AGBL3: variants seen among roughly 807,000 people sequenced by gnomAD.
AGBL3 encodes the protein cytosolic carboxypeptidase 3.
A neutral mutation model predicts 94.5 loss-of-function variants in AGBL3; 68 were observed. The observed-to-expected ratio is 0.72, with a 90% CI of 0.59 to 0.88. AGBL3 has a LOEUF of 0.88. Among genes scored for constraint, AGBL3 ranks in the 40% least tolerant of loss-of-function variants. The pLI is 0.00. For synonymous variants in AGBL3, 354 were observed against 370.7 expected (o/e 0.95, Z 0.52); for missense variants, 934 against 1,103.8 (o/e 0.85, Z 2.18).
intron 15 of AGBL3, among the ~76,000 whole-genome samples, chr7:135,091,950 A>T (rs1232595548): frequency 6.6e-6 from 1 of 152,238 alleles, no homozygotes; most frequent in Non-Finnish European, 1.5e-5. Context: ...ATCCACCTGG[A>T]AATCTGCAAG....
chr7:134,992,820 A>G (rs1453443126), intron 3 of AGBL3, among the ~76,000 whole-genome samples: 1 of 152,226 alleles, frequency 6.6e-6, no homozygotes, highest in East Asian at 1.9e-4. Flanking sequence ...AAAAAGCCAC[A>G]TTTCAGAGGT....
chr7:135,006,394 C>T (rs776615209), intron 4 of AGBL3, among the ~76,000 whole-genome samples: 3 of 151,674 alleles, frequency 2.0e-5, no homozygotes, highest in African/African-American at 7.3e-5. Context: ...AAGGAAGGAA[C>T]AAAGTTAGAA....
At chr7:135,127,591 C>G (rs140223595) in intron 16 of AGBL3, among the ~76,000 whole-genome samples, 11 of 151,040 alleles carry the variant, frequency 7.3e-5, no homozygotes, top group Admixed American at 6.6e-5. Flanking sequence ...TCACACTGAT[C>G]ATCAGAGAAA....
chr7:134,993,651 G>A lies in AGBL3; in HGVS notation c.283G>A (p.Val95Ile), dbSNP rs759137090. 1.9e-5 allele frequency: 30 copies of A among 1,551,076 alleles called. No individual in the cohort carries two copies. The highest frequency in any genetic ancestry group is 2.6e-5 in the Non-Finnish European group (30 of 1,146,614). The change falls in exon 4 of 17, where the codon GTC (valine) becomes ATC (isoleucine). Residue 95 changes from valine (V) to isoleucine (I), a missense_variant. Around this residue, in one of 3 missense-constraint regions of AGBL3, gnomAD observed 488 missense variants for 563.6 expected, o/e 0.87. Transcript: ENST00000436302. ...SPTRWPYHCEVIDEKVQHIDW... is the reference protein window; with the variant it reads ...SPTRWPYHCEIIDEKVQHIDW... ...AACACGGTGGCCATACCATTGTGAA[G>A]TCATCGATGAAAAAGTCCAGCATAT...
chr7:135,013,788 T>A (rs1813438045), intron 4 of AGBL3, among the ~76,000 whole-genome samples: 1 of 152,134 alleles, frequency 6.6e-6, no homozygotes. Context: ...ATACCATCCC[T>A]CGAATCCACT....
At chr7:134,991,426 A>ATT (rs529173843) in intron 3 of AGBL3, among the ~76,000 whole-genome samples, 10,288 of 151,826 alleles carry the variant, frequency 0.068, 1,114 homozygotes, top group African/African-American at 0.23. Context: ...TGGAGAAGGA[A>ATT]TTTTTTTTGT....
At chr7:134,993,351 AC>A (rs1202944082) in intron 3 of AGBL3, 141 bp from the exon 4 acceptor site, 1 of 653,928 alleles carries the variant, frequency 1.5e-6, no homozygotes, top group African/African-American at 1.9e-5. Flanking sequence ...ACTTTTATAA[AC>A]AGTGCCATGA....
intron 16 of AGBL3, chr7:135,129,436 A>T: frequency 1.3e-6 from 1 of 785,030 alleles, no homozygotes. Context: ...GCACTGGAAG[A>T]GATGGAAAGT....
chr7:135,052,185 G>C (rs1041445464), intron 11 of AGBL3, among the ~76,000 whole-genome samples: 1 of 151,940 alleles, frequency 6.6e-6, no homozygotes, highest in African/African-American at 2.4e-5. Context: ...TCAAAAATAT[G>C]AGTGAATAAC....
chr7:135,099,882 C>CTTTTTTTTTTTTTTTTTTTTT (rs34324217), intron 15 of AGBL3: 1 of 62,700 alleles, frequency 1.6e-5, no homozygotes, highest in Non-Finnish European at 2.8e-5. Context: ...CTGAGTTTCT[C>CTTTTTTTTTTTTTTTTTTTTT]TTTTTTTTTT....
At chr7:135,002,902 A>G (rs1481956322) in intron 4 of AGBL3, among the ~76,000 whole-genome samples, 1 of 152,132 alleles carries the variant, frequency 6.6e-6, no homozygotes, top group Non-Finnish European at 1.5e-5. Flanking sequence ...CCATTTTGCT[A>G]TTGATTAGAC....
At chr7:135,039,550 C>T (rs1816640832) in intron 8 of AGBL3, among the ~76,000 whole-genome samples, 1 of 152,104 alleles carries the variant, frequency 6.6e-6, no homozygotes, top group Admixed American at 6.6e-5. Flanking sequence ...ACTTGGCCAA[C>T]ATGGTGAAAC....
At chr7:135,074,729 A>G (rs911635262) in intron 12 of AGBL3, among the ~76,000 whole-genome samples, 3 of 152,172 alleles carry the variant, frequency 2.0e-5, no homozygotes, top group African/African-American at 4.8e-5. Flanking sequence ...CAGGACACTC[A>G]TGGATAAATA....
intron 15 of AGBL3, among the ~76,000 whole-genome samples, chr7:135,088,383 TTC>T (rs1821501747): frequency 6.6e-6 from 1 of 152,136 alleles, no homozygotes; most frequent in Admixed American, 6.5e-5. Flanking sequence ...GATCCTTTCC[TTC>T]TCTCTTATTG....
At chr7:135,114,212 C>A (rs1453499588) in intron 15 of AGBL3, among the ~76,000 whole-genome samples, 1 of 152,082 alleles carries the variant, frequency 6.6e-6, no homozygotes, top group African/African-American at 2.4e-5. Context: ...GGGCATATAA[C>A]CAGAAGTGGA....
At chr7:135,040,792 A>G (rs1235391027) in intron 8 of AGBL3, among the ~76,000 whole-genome samples, 1 of 149,330 alleles carries the variant, frequency 6.7e-6, no homozygotes, top group Admixed American at 6.7e-5. Context: ...GGCAAAAGAA[A>G]GGTGAAGGCA....
rs1271213244 is a variant in AGBL3 at position 135,034,140 on chromosome 7, G to T, written c.558-9G>T. 9.4e-6 allele frequency: 13 copies of T among 1,386,246 alleles called. No homozygotes were observed. The highest frequency in any genetic ancestry group is 1.9e-5 in the South Asian group (1 of 51,628). 85.9% of individuals were successfully genotyped at this position (1,386,246 alleles called of 1,614,324 possible). On this transcript the variant is annotated splice_polypyrimidine_tract_variant and intron_variant, in intron 6 of 16. Transcript: ENST00000436302. ...ACGTGCTTTTTTCCCTTTCTTTCTT[G>T]TGTATTAGGGCAGAATACGAATACC... is the stretch of plus-strand genomic sequence containing the variant.
At chr7:135,000,259 A>G (rs1811551039) in intron 4 of AGBL3, among the ~76,000 whole-genome samples, 1 of 152,222 alleles carries the variant, frequency 6.6e-6, no homozygotes, top group South Asian at 2.1e-4. Context: ...CGGGATGCCC[A>G]GATAGCTGGT....
chr7:135,073,583 G>A (rs943912231), intron 12 of AGBL3, among the ~76,000 whole-genome samples: 2 of 152,240 alleles, frequency 1.3e-5, no homozygotes, highest in Admixed American at 1.3e-4. Flanking sequence ...GTTAAAGAAG[G>A]AAGGGGTTTA....
Sources: allele counts gnomAD v4.1 joint callset (sites outside exome capture counted in the v4.1 genomes callset), GRCh38; gene constraint gnomAD v4.1.1; regional missense constraint gnomAD v4.1.1; transcripts MANE v1.5; gene names NCBI Gene and HGNC (gene_info 2026-07-23, HGNC 2026-07-21).